STX8: variants seen among roughly 807,000 people sequenced by gnomAD.
STX8 encodes syntaxin 8.
A neutral mutation model predicts 37.5 loss-of-function variants in STX8; 23 were observed. That is an observed-to-expected ratio of 0.61 (90% CI 0.44 to 0.87). The LOEUF (loss-of-function observed/expected upper bound fraction) is 0.87, where lower values mean the gene tolerates loss of function less well. STX8 is among the 40% of genes least tolerant of loss of function. The pLI, the probability that STX8 is intolerant of heterozygous loss-of-function variation, is 0.00. For missense variants in STX8, 313 were observed against 284.7 expected, an observed-to-expected ratio of 1.10 and a Z score of -0.71; for synonymous variants, 115 against 99.1, an observed-to-expected ratio of 1.16 and a Z score of -0.95.
intron 5 of STX8, among the ~76,000 whole-genome samples, chr17:9,499,907 A>T (rs7213664): frequency 0.022 from 3,392 of 152,272 alleles, 63 homozygotes; most frequent in East Asian, 0.068. Flanking sequence ...AACCCCTGAA[A>T]ATAGCACCTT....
intron 7 of STX8, among the ~76,000 whole-genome samples, chr17:9,306,759 T>C (rs1909007352): frequency 6.6e-6 from 1 of 151,982 alleles, no homozygotes; most frequent in South Asian, 2.1e-4. Flanking sequence ...AGCGAGACTC[T>C]GTCTCAAACA....
rs376086640 is a variant in STX8 at position 9,527,169 on chromosome 17, G to A, written c.323+18003C>T. ...AGTCCACAGTCCGGCCTGGGCGACA[G>A]AGCGAGACTCCGTCTCAAAAAAAAA... is the stretch of plus-strand genomic sequence containing the variant. On this transcript the variant is annotated intron_variant, in intron 4 of 7. Transcript: ENST00000306357. Among the ~76,000 whole-genome samples the A allele has an allele frequency of 1.8e-4, 9 of 50,878 alleles. No homozygotes were observed. The East Asian group carries it at 2.6e-3, about 14-fold the overall frequency. 33.4% of individuals were successfully genotyped at this position (50,878 alleles called of 152,430 possible).
intron 6 of STX8, among the ~76,000 whole-genome samples, chr17:9,444,028 A>G (rs150251678): frequency 3.7e-4 from 56 of 152,282 alleles, no homozygotes; most frequent in African/African-American, 1.3e-3. Flanking sequence ...ACCTATCCAG[A>G]ACATACCATA....
chr17:9,376,706 G>A lies in STX8; in HGVS notation c.643+1846C>T, dbSNP rs553666441. On this transcript the variant is annotated intron_variant, in intron 7 of 7. Coordinates refer to ENST00000306357, the MANE Select transcript of STX8 (RefSeq NM_004853.3). The stretch of plus-strand genomic sequence containing the variant: ...CTGCAGCTTCACTCCTGAAGTCAGC[G>A]AGACCACGAACCCACCGGAAGGAAG... Among the ~76,000 whole-genome samples the A allele has an allele frequency of 9.2e-5, 14 of 152,298 alleles. No homozygotes were observed. The South Asian group carries it at 1.0e-3, about 11-fold the overall frequency.
intron 6 of STX8, among the ~76,000 whole-genome samples, chr17:9,438,791 G>A (rs1904536364): frequency 6.6e-6 from 1 of 151,924 alleles, no homozygotes; most frequent in Non-Finnish European, 1.5e-5. Flanking sequence ...TAGCCGGGCG[G>A]TGGTGGTGGC....
intron 6 of STX8, among the ~76,000 whole-genome samples, chr17:9,420,617 C>A (rs192800350): frequency 6.6e-6 from 1 of 152,324 alleles, no homozygotes; most frequent in East Asian, 1.9e-4. Flanking sequence ...AAGCTTCCTT[C>A]TTCCTTTCAA....
intron 5 of STX8, among the ~76,000 whole-genome samples, chr17:9,496,566 A>C (rs188500695): frequency 1.7e-3 from 256 of 152,340 alleles, no homozygotes; most frequent in African/African-American, 5.9e-3. Flanking sequence ...TTACAGATAG[A>C]ATAATATCCC....
intron 1 of STX8, among the ~76,000 whole-genome samples, chr17:9,574,063 G>C (rs895930496): frequency 6.6e-6 from 1 of 152,058 alleles, no homozygotes; most frequent in African/African-American, 2.4e-5. Context: ...CTGAGCTCAG[G>C]AGTTCAAGAT....
chr17:9,372,171 C>T (rs1567801459), intron 7 of STX8, among the ~76,000 whole-genome samples: 1 of 152,178 alleles, frequency 6.6e-6, no homozygotes, highest in Non-Finnish European at 1.5e-5. Flanking sequence ...GGCAAATTCA[C>T]ATGTGGGCCT....
intron 7 of STX8, among the ~76,000 whole-genome samples, chr17:9,269,655 G>C (rs1258031085): frequency 6.6e-6 from 1 of 152,154 alleles, no homozygotes; most frequent in African/African-American, 2.4e-5. Flanking sequence ...TATTAAACAT[G>C]GTCTGTCAGA....
At chr17:9,481,658 C>T (rs1485130832) in intron 6 of STX8, among the ~76,000 whole-genome samples, 1 of 152,100 alleles carries the variant, frequency 6.6e-6, no homozygotes, top group Non-Finnish European at 1.5e-5. Flanking sequence ...TAGCAGGGGT[C>T]CCCCACCCCA....
At chr17:9,528,536 C>T (rs1448193817) in intron 4 of STX8, among the ~76,000 whole-genome samples, 1 of 152,134 alleles carries the variant, frequency 6.6e-6, no homozygotes, top group African/African-American at 2.4e-5. Context: ...TCTCGATCTC[C>T]TGACCTCGTG....
At chr17:9,258,901 A>C (rs1906904998) in intron 7 of STX8, among the ~76,000 whole-genome samples, 1 of 152,048 alleles carries the variant, frequency 6.6e-6, no homozygotes, top group Non-Finnish European at 1.5e-5. Flanking sequence ...TCTGTATTTC[A>C]TGTCCTCCAT....
At chr17:9,562,944 T>C (rs1366407085) in intron 2 of STX8, among the ~76,000 whole-genome samples, 1 of 152,136 alleles carries the variant, frequency 6.6e-6, no homozygotes, top group Non-Finnish European at 1.5e-5. Context: ...GGTTATTTAC[T>C]GCGGTGTTAT....
intron 5 of STX8, among the ~76,000 whole-genome samples, chr17:9,504,032 G>A (rs1904725547): frequency 1.3e-5 from 2 of 152,162 alleles, no homozygotes; most frequent in African/African-American, 4.8e-5. Flanking sequence ...CCAAAGTGCT[G>A]GGATTACAGG....
At chr17:9,551,084 A>G (rs1906743713) in intron 3 of STX8, among the ~76,000 whole-genome samples, 1 of 152,218 alleles carries the variant, frequency 6.6e-6, no homozygotes, top group Non-Finnish European at 1.5e-5. Flanking sequence ...TCAAAAAAAA[A>G]TAGAATTTAG....
intron 7 of STX8, among the ~76,000 whole-genome samples, chr17:9,262,560 TTTTTG>T (rs1907076762): frequency 6.7e-6 from 1 of 149,650 alleles, no homozygotes; most frequent in African/African-American, 2.5e-5. Flanking sequence ...TTTTTGGTGT[TTTTTG>T]TTTTTTTTGT....
chr17:9,543,101 A>G (rs2142564092), intron 4 of STX8, among the ~76,000 whole-genome samples: 1 of 152,318 alleles, frequency 6.6e-6, no homozygotes, highest in Non-Finnish European at 1.5e-5. Flanking sequence ...AATGGGAACC[A>G]TGACTATTCA....
intron 5 of STX8, among the ~76,000 whole-genome samples, chr17:9,492,488 C>T (rs1906898621): frequency 1.3e-5 from 2 of 152,216 alleles, no homozygotes; most frequent in South Asian, 4.2e-4. Context: ...GTAGACTGTG[C>T]CCACCTTTTT....
Sources: gnomAD v4.1 joint callset for allele counts (sites outside exome capture counted in the v4.1 genomes callset) on GRCh38, gnomAD v4.1.1 for gene constraint, MANE v1.5 for transcripts, NCBI Gene and HGNC (gene_info 2026-07-23, HGNC 2026-07-21) for gene names.